Variants in PIGF observed in about 807,000 individuals in gnomAD.
The protein encoded by PIGF is phosphatidylinositol glycan anchor biosynthesis class F.
Under a neutral mutation model 26.0 loss-of-function variants are expected in PIGF, and 23 were observed. The observed-to-expected ratio is 0.88, with a 90% confidence interval of 0.64 to 1.25. The LOEUF (loss-of-function observed/expected upper bound fraction) is 1.25. Ranked by LOEUF, PIGF falls within the 50% of genes most tolerant of loss-of-function variation. The pLI is 0.00. For synonymous variants in PIGF, 93 were observed against 92.6 expected (o/e 1.00, Z -0.03); for missense variants, 278 against 249.9 (o/e 1.11, Z -0.76).
Position 46,588,882 on chromosome 2 carries a change from G to C in PIGF, c.546+3593C>G, listed in dbSNP as rs1347230274. ...ACACAGAACATATGCTATGCATACA[G>C]TAATAACAACAAATACTTATTGATT... On this transcript the variant is annotated intron_variant, in intron 5 of 5. Coordinates refer to ENST00000281382, the MANE Select transcript of PIGF (RefSeq NM_002643.4). This position sits in a 1 kb window ranked among gnomAD's most constrained non-coding sequence, Gnocchi z 4.1. Among the ~76,000 whole-genome samples the C allele has an allele frequency of 6.6e-6, 1 of 152,002 alleles. No individual in the cohort carries two copies.
rs1417284980 is a variant in PIGF, at chr2:46,586,567, T to C, written c.547-4976A>G. On this transcript the variant is annotated intron_variant, in intron 5 of 5. Coordinates refer to ENST00000281382, the MANE Select transcript of PIGF (RefSeq NM_002643.4). The stretch of plus-strand genomic sequence containing the variant: ...AACAACTCACAACCATTAGGATTAC[T>C]GTCTCTCTCGAGATAAAAAGGAAGA... Among the ~76,000 whole-genome samples, 3 of 152,198 alleles carry C rather than the reference T, an allele frequency of 2.0e-5. No individual in the cohort carries two copies. The East Asian group carries it at 5.8e-4, about 29-fold the overall frequency.
chr2:46,604,311 A>G (rs1334600625), intron 4 of PIGF, among the ~76,000 whole-genome samples: 2 of 151,698 alleles, frequency 1.3e-5, no homozygotes, highest in African/African-American at 4.8e-5. Flanking sequence ...TCTCAAAAAA[A>G]CAAAAACAGA....
chr2:46,590,009 T>G (rs1411919474), intron 5 of PIGF, among the ~76,000 whole-genome samples: 1 of 152,074 alleles, frequency 6.6e-6, no homozygotes, highest in African/African-American at 2.4e-5. Flanking sequence ...CATTTCATAA[T>G]TTAAAAGGTT....
At chr2:46,615,334 C>T (rs1366441449) in intron 1 of PIGF, 149 bp from the exon 2 acceptor site, 3 of 523,950 alleles carry the variant, frequency 5.7e-6, no homozygotes, top group Non-Finnish European at 1.0e-5. Context: ...CGTGTAGATG[C>T]ACATACAGAC....
chr2:46,615,287 G>A lies in PIGF; in HGVS notation c.-21-102C>T, dbSNP rs1670577395. Reference sequence around the variant, plus strand: ...ATAGGTCATAAAGTCAATTTTCTATGAGCAATGTATTTGTTTCAAAACACA... The same window carrying A: ...ATAGGTCATAAAGTCAATTTTCTATAAGCAATGTATTTGTTTCAAAACACA... On this transcript the variant is annotated intron_variant, in intron 1 of 5. Transcript: ENST00000281382. 4 of 608,586 alleles carry A rather than the reference G, an allele frequency of 6.6e-6. No individual in the cohort carries two copies. The Admixed American group carries it at 1.2e-4, about 18-fold the overall frequency. The allele number at this position is 608,586 out of a possible 1,614,324, so 37.7% of individuals were successfully genotyped here. A position where few individuals can be genotyped will look rare whatever the true frequency, so the allele number is the denominator to read the frequency against.
intron 5 of PIGF, chr2:46,581,810 T>A: frequency 1.9e-6 from 1 of 536,114 alleles, no homozygotes; most frequent in Non-Finnish European, 2.9e-6. Context: ...AATTGTAGAT[T>A]TAGTTTGACG....
At chr2:46,591,108 C>A (rs1419570196) in intron 5 of PIGF, among the ~76,000 whole-genome samples, 1 of 152,148 alleles carries the variant, frequency 6.6e-6, no homozygotes, top group Non-Finnish European at 1.5e-5. Context: ...ATGATAATGA[C>A]CATATTTGAT....
Position 46,591,597 on chromosome 2 carries a change from A to T in PIGF, c.546+878T>A, listed in dbSNP as rs998402936. On this transcript the variant is annotated intron_variant, in intron 5 of 5. Coordinates refer to ENST00000281382, the MANE Select transcript of PIGF (RefSeq NM_002643.4). ...CAAAGATTTTATCACAGCAGTGTTT[A>T]TTATCACAAAATACTGGCAATAATC... 10 of 950,634 alleles carry T rather than the reference A, an allele frequency of 1.1e-5. 1 individual carries two copies. In the Admixed American group the frequency reaches 1.8e-4, roughly 18 times the overall value. The allele number at this position is 950,634 out of a possible 1,614,324, so 58.9% of individuals were successfully genotyped here.
intron 4 of PIGF, among the ~76,000 whole-genome samples, chr2:46,593,734 T>C (rs1439463878): frequency 6.6e-6 from 1 of 152,218 alleles, no homozygotes; most frequent in African/African-American, 2.4e-5. Flanking sequence ...AAATATTCAA[T>C]TGTTTAAATT....
At chr2:46,606,299 T>C (rs568681965) in intron 4 of PIGF, among the ~76,000 whole-genome samples, 44 of 152,308 alleles carry the variant, frequency 2.9e-4, no homozygotes, top group African/African-American at 9.4e-4. Context: ...CACATATCCT[T>C]CCAGAAATAT....
intron 4 of PIGF, among the ~76,000 whole-genome samples, chr2:46,611,321 T>A: frequency 6.6e-6 from 1 of 151,824 alleles, no homozygotes; most frequent in Non-Finnish European, 1.5e-5. Context: ...CTGTCTCTAC[T>A]AAAAATAGAA....
intron 5 of PIGF, among the ~76,000 whole-genome samples, chr2:46,586,097 T>C (rs1250584825): frequency 6.6e-6 from 1 of 152,188 alleles, no homozygotes; most frequent in Non-Finnish European, 1.5e-5. Context: ...CTTTAATACA[T>C]GCTGTTCTTC....
intron 1 of PIGF, chr2:46,615,880 A>G (rs1351783436): frequency 6.6e-6 from 1 of 152,206 alleles, no homozygotes; most frequent in Admixed American, 6.5e-5. Context: ...AGGAAAAAAA[A>G]ATTACCGTCT....
chr2:46,612,348 G>GA lies in PIGF; in HGVS notation c.321-5dup, dbSNP rs747809849. On this transcript the variant is annotated splice_polypyrimidine_tract_variant and splice_region_variant and intron_variant, in intron 3 of 5. Coordinates refer to ENST00000281382, the MANE Select transcript of PIGF (RefSeq NM_002643.4). Reference sequence around the variant, plus strand: ...TAAAAATGTTTCCAATGCCAACCTAGAAAAAAAAAAAGATTACTTTTTAAA... The same window carrying GA: ...TAAAAATGTTTCCAATGCCAACCTAGAAAAAAAAAAAAGATTACTTTTTAAA... The GA allele has an allele frequency of 0.046, 36,308 of 782,374 alleles. 3 individuals are homozygous for GA. The highest frequency in any genetic ancestry group is 0.064 in the South Asian group (2,767 of 43,108). 48.5% of individuals were successfully genotyped at this position (782,374 alleles called of 1,614,324 possible). A position where few individuals can be genotyped will look rare whatever the true frequency, so the allele number is the denominator to read the frequency against.
chr2:46,602,092 G>A (rs1393367180), intron 4 of PIGF, among the ~76,000 whole-genome samples: 1 of 151,728 alleles, frequency 6.6e-6, no homozygotes, highest in Non-Finnish European at 1.5e-5. Flanking sequence ...AGTACAAACT[G>A]AGTATATTAT....
chr2:46,606,428 T>C (rs2104121435), intron 4 of PIGF, among the ~76,000 whole-genome samples: 1 of 152,308 alleles, frequency 6.6e-6, no homozygotes, highest in South Asian at 2.1e-4. Flanking sequence ...TTTGGGGTTT[T>C]TTTCTGTTTT....
intron 4 of PIGF, among the ~76,000 whole-genome samples, chr2:46,610,079 A>T (rs1670361577): frequency 6.6e-6 from 1 of 152,226 alleles, no homozygotes; most frequent in African/African-American, 2.4e-5. Context: ...AACCATTTTA[A>T]ACGTGTAAAA....
At chr2:46,611,071 A>G (rs72877438) in intron 4 of PIGF, among the ~76,000 whole-genome samples, 1,763 of 152,138 alleles carry the variant, frequency 0.012, 26 homozygotes, top group African/African-American at 0.04. Flanking sequence ...CTCCCCCTCC[A>G]TTCTTTACTG....
chr2:46,595,363 A>C (rs1054861448), intron 4 of PIGF, among the ~76,000 whole-genome samples: 1 of 152,184 alleles, frequency 6.6e-6, no homozygotes, highest in South Asian at 2.1e-4. Flanking sequence ...ATCATAAAGC[A>C]TGTATGACTG....
Sources: gnomAD v4.1 joint callset for allele counts (sites outside exome capture counted in the v4.1 genomes callset) on GRCh38, gnomAD v4.1.1 for gene constraint, Gnocchi (gnomAD v3.1) non-coding constraint, MANE v1.5 for transcripts, NCBI Gene and HGNC (gene_info 2026-07-23, HGNC 2026-07-21) for gene names.